Variants in DNAJC3 observed in about 807,000 individuals in gnomAD.
DNAJC3 encodes the protein DnaJ heat shock protein family (Hsp40) member C3.
DNAJC3 carries 38 observed loss-of-function variants against 68.6 expected under a neutral mutation model. The observed-to-expected ratio is 0.55, with a 90% CI of 0.43 to 0.73. DNAJC3 has a LOEUF of 0.73. Ranked by LOEUF, DNAJC3 falls within the 30% of genes least tolerant of loss-of-function variation. DNAJC3 has a pLI of 0.00. For missense variants in DNAJC3, 526 were observed against 591.9 expected, an observed-to-expected ratio of 0.89 and a Z score of 1.16; for synonymous variants, 203 against 204.0, an observed-to-expected ratio of 1.00 and a Z score of 0.04.
At chr13:95,745,419 T>C (rs1593998790) in intron 4 of DNAJC3, 1 of 152,364 alleles carries the variant, frequency 6.6e-6, no homozygotes, top group South Asian at 2.1e-4. Context: ...AGGGCTCTTC[T>C]GCACATATGC....
At chr13:95,699,144 A>C (rs1056130325) in intron 1 of DNAJC3, among the ~76,000 whole-genome samples, 7 of 152,206 alleles carry the variant, frequency 4.6e-5, no homozygotes, top group Non-Finnish European at 7.3e-5. Flanking sequence ...TCTGTTATGG[A>C]AATGTGACCA....
chr13:95,760,859 G>A lies in DNAJC3; in HGVS notation c.848+61G>A. On this transcript the variant is annotated intron_variant, in intron 7 of 11. Transcript: ENST00000602402. ...CTTATGTGCGGGGCTGTGGGCACAA[G>A]TGAACTACAGAACTGCTCTTTTACT... The A allele has an allele frequency of 7.0e-6, 11 of 1,572,330 alleles. No homozygotes were observed. In the South Asian group the frequency reaches 1.1e-4, roughly 16 times the overall value.
chr13:95,717,498 G>T (rs1021453013), intron 2 of DNAJC3, among the ~76,000 whole-genome samples: 1 of 152,208 alleles, frequency 6.6e-6, no homozygotes, highest in Admixed American at 6.5e-5. Flanking sequence ...TTGAATGAAG[G>T]AGTTCAGTTG....
At chr13:95,718,698 G>C (rs1437757302) in intron 2 of DNAJC3, among the ~76,000 whole-genome samples, 1 of 152,178 alleles carries the variant, frequency 6.6e-6, no homozygotes, top group Non-Finnish European at 1.5e-5. Flanking sequence ...ACTGTGCCTA[G>C]CCAGAAAATT....
chr13:95,782,398 G>T (rs916806488), intron 9 of DNAJC3, among the ~76,000 whole-genome samples: 1 of 152,144 alleles, frequency 6.6e-6, no homozygotes, highest in African/African-American at 2.4e-5. Context: ...TACAATGGTT[G>T]AACTAATTTA....
intron 1 of DNAJC3, among the ~76,000 whole-genome samples, chr13:95,678,205 T>G (rs1879816719): frequency 6.6e-6 from 1 of 152,174 alleles, no homozygotes; most frequent in Non-Finnish European, 1.5e-5. Context: ...GTGCGAAATA[T>G]TCGAGTGTAA....
At chr13:95,713,239 T>G (rs1881031269) in intron 2 of DNAJC3, among the ~76,000 whole-genome samples, 1 of 152,070 alleles carries the variant, frequency 6.6e-6, no homozygotes, top group Non-Finnish European at 1.5e-5. Flanking sequence ...GCATAAAGAT[T>G]GAGAAAGGAA....
chr13:95,750,840 AT>A (rs1237728654), intron 4 of DNAJC3, among the ~76,000 whole-genome samples: 3 of 152,120 alleles, frequency 2.0e-5, no homozygotes, highest in Non-Finnish European at 4.4e-5. Context: ...TAAACTGGAA[AT>A]AGTAAAACCA....
chr13:95,710,929 A>G (rs1880937104), intron 2 of DNAJC3, among the ~76,000 whole-genome samples: 1 of 151,940 alleles, frequency 6.6e-6, no homozygotes, highest in African/African-American at 2.4e-5. Context: ...TTCTCAAGCC[A>G]TCTGCCTGCC....
intron 2 of DNAJC3, among the ~76,000 whole-genome samples, chr13:95,719,963 G>A (rs1191137598): frequency 6.6e-6 from 1 of 151,900 alleles, no homozygotes; most frequent in Admixed American, 6.6e-5. Context: ...GTACTTTTTA[G>A]GGAATAATGA....
chr13:95,711,335 A>G (rs1192580569), intron 2 of DNAJC3, among the ~76,000 whole-genome samples: 1 of 152,104 alleles, frequency 6.6e-6, no homozygotes, highest in Non-Finnish European at 1.5e-5. Flanking sequence ...TGTCTCTACT[A>G]AAAATATAAA....
intron 4 of DNAJC3, among the ~76,000 whole-genome samples, chr13:95,748,423 T>G (rs2139664680): frequency 6.6e-6 from 1 of 152,348 alleles, no homozygotes; most frequent in Admixed American, 6.5e-5. Flanking sequence ...TAATTATATC[T>G]ATTATACATC....
intron 4 of DNAJC3, among the ~76,000 whole-genome samples, chr13:95,746,751 C>T (rs1397846836): frequency 6.6e-6 from 1 of 152,136 alleles, no homozygotes; most frequent in Admixed American, 6.5e-5. Context: ...GTGCTGGATA[C>T]AGCCAGGTGG....
intron 4 of DNAJC3, among the ~76,000 whole-genome samples, chr13:95,750,278 A>C (rs949625149): frequency 6.6e-6 from 1 of 150,714 alleles, no homozygotes; most frequent in Non-Finnish European, 1.5e-5. Context: ...AAAAAAAAAA[A>C]AAAAAACCCA....
At chr13:95,725,369 C>A in intron 4 of DNAJC3, 117 bp downstream of exon 4, 2 of 618,196 alleles carry the variant, frequency 3.2e-6, no homozygotes, top group Non-Finnish European at 5.1e-6. Context: ...TAGTCTTAGA[C>A]AGTAAATAGA....
At chr13:95,722,767 C>CCATGAT (rs1430821757) in intron 2 of DNAJC3, among the ~76,000 whole-genome samples, 2 of 128,108 alleles carry the variant, frequency 1.6e-5, no homozygotes, top group Non-Finnish European at 3.1e-5. Flanking sequence ...CTGCAGAGGG[C>CCATGAT]CATGATCATG....
chr13:95,711,191 T>G (rs966349292), intron 2 of DNAJC3, among the ~76,000 whole-genome samples: 11 of 152,202 alleles, frequency 7.2e-5, no homozygotes, highest in Admixed American at 2.6e-4. Context: ...GGAAACATAT[T>G]TTTTTGATGA....
intron 9 of DNAJC3, among the ~76,000 whole-genome samples, chr13:95,774,904 C>T (rs1433221993): frequency 6.6e-6 from 1 of 151,990 alleles, no homozygotes; most frequent in East Asian, 1.9e-4. Context: ...TTGGAACTTG[C>T]TTTGTTTCTG....
At chr13:95,768,919 G>A (rs1270986962) in intron 9 of DNAJC3, among the ~76,000 whole-genome samples, 1 of 152,092 alleles carries the variant, frequency 6.6e-6, no homozygotes, top group Non-Finnish European at 1.5e-5. Flanking sequence ...AACTTGCAGT[G>A]AGCCGAGATC....
Sources: gnomAD v4.1 joint callset for allele counts (sites outside exome capture counted in the v4.1 genomes callset) on GRCh38, gnomAD v4.1.1 for gene constraint, MANE v1.5 for transcripts, NCBI Gene and HGNC (gene_info 2026-07-23, HGNC 2026-07-21) for gene names.